CCDC85A: variants seen among roughly 807,000 people sequenced by gnomAD.
The protein encoded by CCDC85A is coiled-coil domain-containing protein 85A.
CCDC85A carries 38 observed loss-of-function variants against 50.2 expected under a neutral mutation model. That is an observed-to-expected ratio of 0.76 (90% CI 0.58 to 0.99). The LOEUF (loss-of-function observed/expected upper bound fraction) is 0.99, where lower values mean the gene tolerates loss of function less well. CCDC85A is among the 50% of genes least tolerant of loss of function. The pLI, the probability that CCDC85A is intolerant of heterozygous loss-of-function variation, is 0.00. For synonymous variants in CCDC85A, 366 were observed against 301.4 expected, an observed-to-expected ratio of 1.21 and a Z score of -2.22; for missense variants, 820 against 742.0, an observed-to-expected ratio of 1.11 and a Z score of -1.22.
chr2:56,291,444 C>T (rs901828903), intron 2 of CCDC85A, among the ~76,000 whole-genome samples: 2 of 152,180 alleles, frequency 1.3e-5, no homozygotes, highest in Admixed American at 6.5e-5. Context: ...AAGTAAGTGA[C>T]AGTGGCTGCA....
chr2:56,296,862 T>G (rs1671973617), intron 2 of CCDC85A, among the ~76,000 whole-genome samples: 1 of 152,292 alleles, frequency 6.6e-6, no homozygotes, highest in Non-Finnish European at 1.5e-5. Context: ...ATGCCTACTT[T>G]TTTCATGGAA....
At chr2:56,374,378 T>C (rs1000872630) in intron 4 of CCDC85A, among the ~76,000 whole-genome samples, 2 of 152,168 alleles carry the variant, frequency 1.3e-5, no homozygotes, top group Non-Finnish European at 1.5e-5. Context: ...ATCTTCCAAA[T>C]TGCAAAAATA....
At chr2:56,322,118 C>G (rs12161224) in intron 2 of CCDC85A, among the ~76,000 whole-genome samples, 1 of 152,140 alleles carries the variant, frequency 6.6e-6, no homozygotes, top group Non-Finnish European at 1.5e-5. Context: ...GGATCCCTTC[C>G]TTACACCTTA....
intron 3 of CCDC85A, among the ~76,000 whole-genome samples, chr2:56,343,492 A>G (rs773203378): frequency 6.6e-6 from 1 of 152,194 alleles, no homozygotes; most frequent in Non-Finnish European, 1.5e-5. Flanking sequence ...CCCCTTAATT[A>G]AAGTAAAGTG....
chr2:56,372,398 G>T lies in CCDC85A; in HGVS notation c.1372G>T (p.Gly458Cys). ...PTRNSSNMEK[G>C]WGSRARRVLQ... ...TAGAAACAGCTCAAATATGGAGAAA[G>T]GCTGGGGGTCCAGAGCCCGGCGGGT... Residue 458 changes from glycine (G) to cysteine (C), a missense_variant, in exon 4 of 6, where the codon GGC becomes TGC. By Grantham distance (159) the Gly-to-Cys change is radical. Transcript: ENST00000407595. 6.2e-7 allele frequency: 1 copy of T among 1,602,686 alleles called. No homozygotes were observed. Among genetic ancestry groups the T allele is most frequent in the Non-Finnish European group, 8.5e-7 (1 of 1,174,454 alleles).
intron 2 of CCDC85A, among the ~76,000 whole-genome samples, chr2:56,201,076 CCACACACACACACA>C (rs72152096): frequency 1.0e-4 from 15 of 147,406 alleles, no homozygotes; most frequent in Middle Eastern, 3.5e-3. Flanking sequence ...TCATCTCTCT[CCACACACACACACA>C]CACACACACA....
intron 4 of CCDC85A, among the ~76,000 whole-genome samples, chr2:56,373,256 T>C (rs1676169885): frequency 6.6e-6 from 1 of 152,126 alleles, no homozygotes; most frequent in African/African-American, 2.4e-5. Flanking sequence ...TTGTAGTCCA[T>C]GGCTCCCAAA....
chr2:56,377,763 C>G (rs996225339), intron 5 of CCDC85A, among the ~76,000 whole-genome samples: 2 of 151,980 alleles, frequency 1.3e-5, no homozygotes, highest in Non-Finnish European at 2.9e-5. Context: ...TGGCAGGCAC[C>G]TGTAATCCCA....
At chr2:56,297,585 A>G (rs1672013146) in intron 2 of CCDC85A, among the ~76,000 whole-genome samples, 1 of 152,192 alleles carries the variant, frequency 6.6e-6, no homozygotes, top group East Asian at 1.9e-4. Context: ...GTGCAGGGCC[A>G]TGGAAAGCGG....
intron 4 of CCDC85A, among the ~76,000 whole-genome samples, chr2:56,372,850 A>G (rs1266023076): frequency 2.0e-5 from 3 of 152,310 alleles, no homozygotes; most frequent in East Asian, 1.9e-4. Context: ...TGATGCATGC[A>G]CTGTGTGATC....
chr2:56,276,329 C>T (rs1250182751), intron 2 of CCDC85A, among the ~76,000 whole-genome samples: 1 of 130,420 alleles, frequency 7.7e-6, no homozygotes, highest in Non-Finnish European at 1.7e-5. Context: ...CTGAAGATGA[C>T]TGGCTAGAGG....
intron 2 of CCDC85A, among the ~76,000 whole-genome samples, chr2:56,193,867 G>A (rs1558577758): frequency 1.3e-5 from 2 of 152,226 alleles, no homozygotes; most frequent in African/African-American, 2.4e-5. Flanking sequence ...CAGTTAATAG[G>A]TTATATACAA....
chr2:56,342,704 T>C (rs1674433821), intron 2 of CCDC85A, among the ~76,000 whole-genome samples, 175 bp from the exon 3 acceptor site: 1 of 152,140 alleles, frequency 6.6e-6, no homozygotes, highest in Non-Finnish European at 1.5e-5. Flanking sequence ...TTCAAAACTG[T>C]TTTTAGTTTC....
chr2:56,185,003 C>T, intron 1 of CCDC85A, 103 bp downstream of exon 1: 1 of 1,343,778 alleles, frequency 7.4e-7, no homozygotes, highest in Non-Finnish European at 9.7e-7. Context: ...CAACAGGTGA[C>T]CCTCCCCTTC....
chr2:56,343,303 C>T (rs183932250), intron 3 of CCDC85A, among the ~76,000 whole-genome samples: 2,425 of 152,246 alleles, frequency 0.016, 42 homozygotes, highest in Middle Eastern at 0.048. Flanking sequence ...GGAAGGTAAT[C>T]TTATTTAAAT....
At chr2:56,286,551 G>T (rs529257844) in intron 2 of CCDC85A, among the ~76,000 whole-genome samples, 44 of 152,082 alleles carry the variant, frequency 2.9e-4, no homozygotes, top group Middle Eastern at 3.4e-3. Context: ...TTTACTACTA[G>T]AATTGGCTTT....
chr2:56,248,378 C>A (rs7590310), intron 2 of CCDC85A, among the ~76,000 whole-genome samples: 27,253 of 152,092 alleles, frequency 0.18, 2,572 homozygotes, highest in East Asian at 0.28. Flanking sequence ...TACTCAGATG[C>A]TCCTTGTACC....
chr2:56,265,309 C>G (rs766093417), intron 2 of CCDC85A, among the ~76,000 whole-genome samples: 40 of 152,210 alleles, frequency 2.6e-4, no homozygotes, highest in Non-Finnish European at 4.3e-4. Flanking sequence ...AGAGTTCTGC[C>G]TGTGTTCTTA....
chr2:56,271,819 A>G (rs1004699515), intron 2 of CCDC85A, among the ~76,000 whole-genome samples: 6 of 152,156 alleles, frequency 3.9e-5, no homozygotes, highest in African/African-American at 1.2e-4. Context: ...AGGCAGAAAT[A>G]TATCAGAACT....
Sources: allele counts gnomAD v4.1 joint callset (sites outside exome capture counted in the v4.1 genomes callset), GRCh38; gene constraint gnomAD v4.1.1; transcripts MANE v1.5; gene names NCBI Gene and HGNC (gene_info 2026-07-23, HGNC 2026-07-21).